C18orf54: variants seen among roughly 807,000 people sequenced by gnomAD.
C18orf54 encodes lung adenoma susceptibility protein 2.
Under a neutral mutation model 49.3 loss-of-function variants are expected in C18orf54, and 49 were observed. The ratio of observed to expected loss-of-function variants is 0.99; its 90% CI spans 0.79 to 1.26. C18orf54 has a LOEUF of 1.26. Ranked by LOEUF, C18orf54 falls within the 50% of genes most tolerant of loss-of-function variation. The probability of loss-of-function intolerance (pLI) is 0.00; values close to 1 mark genes in which losing one functional copy is unlikely to be tolerated. For synonymous variants in C18orf54, 211 were observed against 216.6 expected, an observed-to-expected ratio of 0.97 and a Z score of 0.23; for missense variants, 687 against 620.6, an observed-to-expected ratio of 1.11 and a Z score of -1.14.
Position 54,379,969 on chromosome 18 carries a change from CTTATAGCCAGTATTTTAAG to C in C18orf54, c.*1724_*1742del, listed in dbSNP as rs1250695370. The C allele has an allele frequency of 1.3e-5, 2 of 152,056 alleles. No individual in the cohort carries two copies. Among genetic ancestry groups the C allele is most frequent in the Non-Finnish European group, 2.9e-5 (2 of 67,932 alleles). The allele number at this position is 152,056 out of a possible 1,614,324, so 9.4% of individuals were successfully genotyped here. A position where few individuals can be genotyped will look rare whatever the true frequency, so the allele number is the denominator to read the frequency against. On this transcript the variant is annotated 3_prime_UTR_variant, in exon 9 of 9. Coordinates refer to ENST00000620105, the MANE Select transcript of C18orf54 (RefSeq NM_001288980.2). ...AAATGAGATAAGCCTGTTCTAAAAT[CTTATAGCCAGTATTTTAAG>C]AAACTTGATTATACTTACCAAAGGA...
intron 8 of C18orf54, among the ~76,000 whole-genome samples, chr18:54,377,546 T>C (rs1016416341): frequency 1.3e-5 from 2 of 152,160 alleles, no homozygotes; most frequent in African/African-American, 4.8e-5. Flanking sequence ...TTTCCTGGTT[T>C]GAGGAATGAT....
chr18:54,374,121 AT>A, intron 7 of C18orf54, 92 bp from the exon 8 acceptor site: 1 of 1,045,002 alleles, frequency 9.6e-7, no homozygotes, highest in Non-Finnish European at 1.3e-6. Flanking sequence ...TGTAGAAAAT[AT>A]TTTTTAATGT....
In C18orf54 at chr18:54,381,418, G is replaced by A. The variant is rs1159621015; in HGVS notation, c.*3172G>A. ...GGACTAGTTCATTCATTTTCAAATA[G>A]CTATTTCAACCTTTAACATCTACTG... On this transcript the variant is annotated 3_prime_UTR_variant, in exon 9 of 9. Transcript: ENST00000620105. 1.3e-5 allele frequency: 2 copies of A among 152,114 alleles called. No homozygotes were observed. The allele number at this position is 152,114 out of a possible 1,614,324, so 9.4% of individuals were successfully genotyped here. A position where few individuals can be genotyped will look rare whatever the true frequency, so the allele number is the denominator to read the frequency against.
At position 54,362,298 on chromosome 18, in the gene C18orf54, T is replaced by G; in HGVS notation, c.939T>G (p.Phe313Leu). 6.5e-7 allele frequency: 1 copy of G among 1,536,330 alleles called. No homozygotes were observed. Among genetic ancestry groups the G allele is most frequent in the Non-Finnish European group, 8.7e-7 (1 of 1,146,918 alleles). The change falls in exon 4 of 9, where the codon TTT becomes TTG. Residue 313 changes from phenylalanine (F) to leucine (L), a missense_variant. Coordinates refer to ENST00000620105, the MANE Select transcript of C18orf54 (RefSeq NM_001288980.2). The part of the protein sequence containing the change: ...INKLDCFEYA[F>L]EPSNFSNSLS... ...AATTAGATTGTTTTGAATATGCTTTTGAACCCTCAAACTTTTCAAATTCCT... is the reference window on the plus strand; with the variant it reads ...AATTAGATTGTTTTGAATATGCTTTGGAACCCTCAAACTTTTCAAATTCCT...
Position 54,380,738 on chromosome 18 carries a change from T to C in C18orf54, c.*2492T>C, listed in dbSNP as rs781106725. ...GTGTATAATGTGTTATTACATTATA[T>C]GTAGTTATACCAAAATATTGCCTGA... On this transcript the variant is annotated 3_prime_UTR_variant, in exon 9 of 9. Transcript: ENST00000620105. 8.5e-5 allele frequency: 13 copies of C among 152,188 alleles called. No homozygotes were observed. Among genetic ancestry groups the C allele is most frequent in the Non-Finnish European group, 1.6e-4 (11 of 67,984 alleles). The allele number at this position is 152,188 out of a possible 1,614,324, so 9.4% of individuals were successfully genotyped here. A position where few individuals can be genotyped will look rare whatever the true frequency, so the allele number is the denominator to read the frequency against.
chr18:54,371,621 C>A (rs767212166), intron 6 of C18orf54, among the ~76,000 whole-genome samples: 7 of 152,074 alleles, frequency 4.6e-5, no homozygotes, highest in Admixed American at 6.5e-5. Flanking sequence ...TTCTTATATC[C>A]TGTTCTATAA....
At chr18:54,375,560 A>T (rs1014144886) in intron 8 of C18orf54, among the ~76,000 whole-genome samples, 1 of 151,226 alleles carries the variant, frequency 6.6e-6, no homozygotes, top group Non-Finnish European at 1.5e-5. Context: ...TCACAGACCT[A>T]TATGTGTTTT....
At chr18:54,364,271 CTTTGAT>C (rs2144727321) in intron 5 of C18orf54, among the ~76,000 whole-genome samples, 1 of 152,024 alleles carries the variant, frequency 6.6e-6, no homozygotes, top group East Asian at 1.9e-4. Context: ...AGCTGCAATA[CTTTGAT>C]TTTAATTGGA....
intron 8 of C18orf54, among the ~76,000 whole-genome samples, chr18:54,376,634 A>G (rs555404230): frequency 4.1e-4 from 63 of 152,312 alleles, no homozygotes; most frequent in Non-Finnish European, 7.8e-4. Context: ...GCCCAGCTGA[A>G]TATTTTAAAA....
At chr18:54,358,711 T>A (rs967280209) in intron 1 of C18orf54, 63 bp from the exon 2 acceptor site, 10 of 152,288 alleles carry the variant, frequency 6.6e-5, no homozygotes, top group African/African-American at 2.2e-4. Context: ...GAGTTGTTCT[T>A]AATTTCCTGT....
chr18:54,374,370 T>A lies in C18orf54; in HGVS notation c.1529+86T>A, dbSNP rs549717076. 2.5e-5 allele frequency: 34 copies of A among 1,385,696 alleles called. No individual in the cohort carries two copies. In the South Asian group the frequency reaches 5.4e-4, roughly 22 times the overall value. 85.8% of individuals were successfully genotyped at this position (1,385,696 alleles called of 1,614,324 possible). A position where few individuals can be genotyped will look rare whatever the true frequency, so the allele number is the denominator to read the frequency against. ...AAGTTACAGGGTAGAAGTAAGTAGT[T>A]TTAAGAGTAGCACTACTAGGCATAT... On this transcript the variant is annotated intron_variant, in intron 8 of 8. Transcript: ENST00000620105.
intron 7 of C18orf54, 42 bp from the exon 8 acceptor site, chr18:54,374,172 A>G (rs771189531): frequency 2.9e-6 from 4 of 1,390,920 alleles, no homozygotes; most frequent in Admixed American, 2.3e-5. Flanking sequence ...TTGTAGTTAT[A>G]TAATTTTAAT....
intron 8 of C18orf54, among the ~76,000 whole-genome samples, chr18:54,374,796 G>A (rs2089543343): frequency 6.6e-6 from 1 of 151,886 alleles, no homozygotes; most frequent in Non-Finnish European, 1.5e-5. Flanking sequence ...TGACAGAAGA[G>A]AAGGGTATTT....
rs1404370220 is a variant in C18orf54, at chr18:54,381,021, G to A, written c.*2775G>A. 2 of 152,118 alleles carry A rather than the reference G, an allele frequency of 1.3e-5. No homozygotes were observed. Among genetic ancestry groups the A allele is most frequent in the African/African-American group, 2.4e-5 (1 of 41,426 alleles). 9.4% of individuals were successfully genotyped at this position (152,118 alleles called of 1,614,324 possible). A position where few individuals can be genotyped will look rare whatever the true frequency, so the allele number is the denominator to read the frequency against. On this transcript the variant is annotated 3_prime_UTR_variant, in exon 9 of 9. Coordinates refer to ENST00000620105, the MANE Select transcript of C18orf54 (RefSeq NM_001288980.2). ...AGTTTCTTCAAATGTGCAAGACTGTGTGTCTTCCTATTAGATGTATAAATT... is the reference window on the plus strand; with the variant it reads ...AGTTTCTTCAAATGTGCAAGACTGTATGTCTTCCTATTAGATGTATAAATT...
chr18:54,358,198 G>A (rs1216374776), intron 1 of C18orf54, 123 bp downstream of exon 1: 2 of 152,922 alleles, frequency 1.3e-5, no homozygotes, highest in Admixed American at 1.3e-4. Flanking sequence ...AAAGGCGAAA[G>A]GAGAGTGGCG....
Position 54,379,104 on chromosome 18 carries a change from G to A in C18orf54, c.*858G>A, listed in dbSNP as rs905181651. The A allele has an allele frequency of 1.3e-5, 2 of 152,016 alleles. No individual in the cohort carries two copies. The highest frequency in any genetic ancestry group is 1.3e-4 in the Admixed American group (2 of 15,258). The allele number at this position is 152,016 out of a possible 1,614,324, so 9.4% of individuals were successfully genotyped here. On this transcript the variant is annotated 3_prime_UTR_variant, in exon 9 of 9. Transcript: ENST00000620105. Reference sequence around the variant, plus strand: ...AATCAGAAAGCAACTCTATTTTAGAGCTATTTTGTAAGAGTTGTGCTTTCT... The same window carrying A: ...AATCAGAAAGCAACTCTATTTTAGAACTATTTTGTAAGAGTTGTGCTTTCT...
Position 54,381,603 on chromosome 18 carries a change from A to T in C18orf54, c.*3357A>T, listed in dbSNP as rs889936212. On this transcript the variant is annotated 3_prime_UTR_variant, in exon 9 of 9. Transcript: ENST00000620105. ...TATATGTGTATTGTCATCTTTGTGC[A>T]TATTATTTCTCATGCATGAAATACT... The T allele has an allele frequency of 1.3e-5, 2 of 152,200 alleles. No homozygotes were observed. The highest frequency in any genetic ancestry group is 2.9e-5 in the Non-Finnish European group (2 of 68,024). 9.4% of individuals were successfully genotyped at this position (152,200 alleles called of 1,614,324 possible).
Position 54,358,815 on chromosome 18 carries a change from T to C in C18orf54, c.-102T>C, listed in dbSNP as rs1016724625. The C allele has an allele frequency of 5.9e-5, 9 of 152,294 alleles. No homozygotes were observed. Among genetic ancestry groups the C allele is most frequent in the Admixed American group, 1.3e-4 (2 of 15,282 alleles). 9.4% of individuals were successfully genotyped at this position (152,294 alleles called of 1,614,324 possible). A position where few individuals can be genotyped will look rare whatever the true frequency, so the allele number is the denominator to read the frequency against. ...GTCAATAAGTTTAACATTCTGTTCT[T>C]CCGCGTGATGGATTTTCTTTTGGAG... On this transcript the variant is annotated 5_prime_UTR_variant, in exon 2 of 9. Transcript: ENST00000620105.
Position 54,380,829 on chromosome 18 carries a change from A to G in C18orf54, c.*2583A>G, listed in dbSNP as rs1385320189. The G allele has an allele frequency of 6.6e-6, 1 of 152,060 alleles. No individual in the cohort carries two copies. The highest frequency in any genetic ancestry group is 1.9e-4 in the East Asian group (1 of 5,200). 9.4% of individuals were successfully genotyped at this position (152,060 alleles called of 1,614,324 possible). ...CAGACGCATGGAATTGCTCCTGTAG[A>G]TTTGAATTTTTGTTTCATTTTTTTC... On this transcript the variant is annotated 3_prime_UTR_variant, in exon 9 of 9. Coordinates refer to ENST00000620105, the MANE Select transcript of C18orf54 (RefSeq NM_001288980.2).
Sources: gnomAD v4.1 joint callset for allele counts (sites outside exome capture counted in the v4.1 genomes callset) on GRCh38, gnomAD v4.1.1 for gene constraint, MANE v1.5 for transcripts, NCBI Gene and HGNC (gene_info 2026-07-23, HGNC 2026-07-21) for gene names.